Variants in COQ4 observed in about 807,000 individuals in gnomAD.
COQ4 encodes coenzyme Q4, also known as ubiquinone biosynthesis protein COQ4 homolog, mitochondrial.
In COQ4, 36 loss-of-function variants were observed where a neutral mutation model predicts 30.2. The ratio of observed to expected loss-of-function variants is 1.19; its 90% CI spans 0.91 to 1.57. The LOEUF (loss-of-function observed/expected upper bound fraction) is 1.57, where lower values mean the gene tolerates loss of function less well. Among genes scored for constraint, COQ4 ranks in the 40% most tolerant of loss-of-function variants. COQ4 has a pLI of 0.00. For synonymous variants in COQ4, 197 were observed against 161.0 expected, an observed-to-expected ratio of 1.22 and a Z score of -1.69; for missense variants, 369 against 371.9, an observed-to-expected ratio of 0.99 and a Z score of 0.07.
intron 4 of COQ4, among the ~76,000 whole-genome samples, chr9:128,326,710 T>A (rs1217769215): frequency 2.6e-5 from 4 of 152,214 alleles, no homozygotes; most frequent in Non-Finnish European, 5.9e-5. Flanking sequence ...CCCAAAGTGC[T>A]GGGATTACAG....
chr9:128,325,664 G>T (rs1832304553), intron 3 of COQ4, 115 bp from the exon 4 acceptor site: 2 of 788,450 alleles, frequency 2.5e-6, no homozygotes, highest in South Asian at 1.6e-5. Flanking sequence ...CTCCATTAAG[G>T]CTTGTGGTGG....
intron 6 of COQ4, 42 bp from the exon 7 acceptor site, chr9:128,333,432 C>A: frequency 6.8e-7 from 1 of 1,467,938 alleles, no homozygotes; most frequent in South Asian, 1.5e-5. Context: ...AGTGCCTGGC[C>A]CCAGGGACTT....
Position 128,333,575 on chromosome 9 carries a change from A to G in COQ4, c.728A>G (p.Gln243Arg). 6.2e-7 allele frequency: 1 copy of G among 1,609,896 alleles called. No individual in the cohort carries two copies. Among genetic ancestry groups the G allele is most frequent in the South Asian group, 1.1e-5 (1 of 90,254 alleles). ...LNLYYERRWE[Q>R]SLRALREELG... ...CTGTACTATGAGCGGCGCTGGGAGC[A>G]GTCCCTGAGGGCTCTGCGGGAGGAG... Residue 243 changes from glutamine to arginine, a missense_variant, in exon 7 of 7, where the codon CAG (glutamine) becomes CGG (arginine). By Grantham distance (43) the Gln-to-Arg change is conservative. Transcript: ENST00000300452.
rs1208290847 is a variant in COQ4 at position 128,332,411 on chromosome 9, TTAG to T, written c.532+133_532+135del. ...TCAATTTCTGCTTTACCTGAACATC[TTAG>T]TAGCATCTTTGCCACATGTCCCCCT... On this transcript the variant is annotated intron_variant, in intron 5 of 6. Transcript: ENST00000300452. 8.1e-6 allele frequency: 8 copies of T among 986,976 alleles called. No individual in the cohort carries two copies. The East Asian group carries it at 2.1e-4, about 26-fold the overall frequency. 61.1% of individuals were successfully genotyped at this position (986,976 alleles called of 1,614,324 possible).
At position 128,322,854 on chromosome 9, in the gene COQ4, C is replaced by G; in HGVS notation, c.-5C>G. On this transcript the variant is annotated 5_prime_UTR_variant, in exon 1 of 7. Transcript: ENST00000300452. ...CCCGCCCATCCTCCGCGGACGCCCG[C>G]TGCCATGGCGACTCTGCTGCGCCCT... 6.4e-7 allele frequency: 1 copy of G among 1,552,912 alleles called. No individual in the cohort carries two copies. The highest frequency in any genetic ancestry group is 8.7e-7 in the Non-Finnish European group (1 of 1,152,822).
intron 4 of COQ4, among the ~76,000 whole-genome samples, chr9:128,327,691 C>T (rs1832344656): frequency 6.6e-6 from 1 of 151,860 alleles, no homozygotes; most frequent in African/African-American, 2.4e-5. Flanking sequence ...TCCCAGCTAC[C>T]TGGGAGGGAG....
At chr9:128,331,089 A>T (rs1390280133) in intron 4 of COQ4, 3 of 152,050 alleles carry the variant, frequency 2.0e-5, no homozygotes, top group African/African-American at 7.2e-5. Context: ...CACCTGCCTC[A>T]GCCTCCCAAA....
In COQ4 at chr9:128,325,818, C is replaced by G. The variant is rs748977925; in HGVS notation, c.339C>G (p.Gly113=). The stretch of plus-strand genomic sequence containing the variant: ...TTTCGACATCCACCCTCGACCTGGG[C>G]AAGCTCCAGAGCCTGCCGGAAGGCT... ...PRISTSTLDL[G]KLQSLPEGSL... is the part of the protein sequence containing the mutation. The change falls in exon 4 of 7, where the codon GGC becomes GGG. Residue 113 remains glycine (G), a synonymous_variant. Coordinates refer to ENST00000300452, the MANE Select transcript of COQ4 (RefSeq NM_016035.5). 1.2e-5 allele frequency: 19 copies of G among 1,614,212 alleles called. No homozygotes were observed. The highest frequency in any genetic ancestry group is 1.6e-5 in the Non-Finnish European group (19 of 1,180,042).
chr9:128,322,917 G>T lies in COQ4; in HGVS notation c.59G>T (p.Arg20Leu). ...CTCTGCGGGCTCCCGGGCCTACAGCGGCCTGCGGCAGGCAAGTGGCGCCGG... is the reference window on the plus strand; with the variant it reads ...CTCTGCGGGCTCCCGGGCCTACAGCTGCCTGCGGCAGGCAAGTGGCGCCGG... ...RRLCGLPGLQ[R>L]PAAEMPLRAR... Residue 20 changes from arginine to leucine, a missense_variant, in exon 1 of 7, where the codon CGG becomes CTG. By Grantham distance (102) the Arg-to-Leu change is moderately radical (BLOSUM62 -2). Coordinates refer to ENST00000300452, the MANE Select transcript of COQ4 (RefSeq NM_016035.5). The T allele has an allele frequency of 6.3e-7, 1 of 1,599,630 alleles. No individual in the cohort carries two copies. Among genetic ancestry groups the T allele is most frequent in the Non-Finnish European group, 8.5e-7 (1 of 1,177,252 alleles).
In COQ4 at chr9:128,329,190, G is replaced by A. The variant is rs376772614; in HGVS notation, c.403-2963G>A. 7.9e-5 allele frequency among the ~76,000 whole-genome samples: 12 copies of A among 152,194 alleles called. No individual in the cohort carries two copies. In the East Asian group the frequency reaches 1.2e-3, roughly 15 times the overall value. On this transcript the variant is annotated intron_variant, in intron 4 of 6. Transcript: ENST00000300452. Reference sequence around the variant, plus strand: ...AATCCTTTGACCTCGCTGAGTCTCAGGTTCCTCATCAGAAGTAAGAGGACC... The same window carrying A: ...AATCCTTTGACCTCGCTGAGTCTCAAGTTCCTCATCAGAAGTAAGAGGACC...
chr9:128,333,611 C>T lies in COQ4; in HGVS notation c.764C>T (p.Thr255Ile). Residue 255 changes from threonine to isoleucine, a missense_variant, in exon 7 of 7, where the codon ACA (threonine) becomes ATA (isoleucine). Coordinates refer to ENST00000300452, the MANE Select transcript of COQ4 (RefSeq NM_016035.5). ...GCTCTGCGGGAGGAGCTGGGCATTA[C>T]AGCACCACCCATGCACGTCCAGGGC... ...LRALREELGI[T>I]APPMHVQGLA 2.5e-6 allele frequency: 4 copies of T among 1,597,572 alleles called. No individual in the cohort carries two copies. The highest frequency in any genetic ancestry group is 1.1e-5 in the South Asian group (1 of 88,508).
In COQ4 at chr9:128,333,535, C is replaced by A; in HGVS notation, c.688C>A (p.Pro230Thr). 1 of 1,607,000 alleles carries A rather than the reference C, an allele frequency of 6.2e-7. No homozygotes were observed. The highest frequency in any genetic ancestry group is 1.3e-5 in the African/African-American group (1 of 74,616). ...GGCCGTTCAGAACGGGCGCAGAGCC[C>A]CATGTGTCCTCAACCTGTACTATGA... The part of the protein sequence containing the change: ...PWAVQNGRRA[P>T]CVLNLYYERR... The change falls in exon 7 of 7, where the codon CCA becomes ACA. Residue 230 changes from proline to threonine, a missense_variant. Coordinates refer to ENST00000300452, the MANE Select transcript of COQ4 (RefSeq NM_016035.5).
intron 2 of COQ4, among the ~76,000 whole-genome samples, chr9:128,324,436 T>C (rs958851250): frequency 2.6e-5 from 4 of 152,152 alleles, no homozygotes; most frequent in African/African-American, 7.2e-5. Flanking sequence ...AAGTGTTATA[T>C]ATATATGATT....
chr9:128,330,262 A>G (rs1315634401), intron 4 of COQ4: 1 of 151,158 alleles, frequency 6.6e-6, no homozygotes, highest in Non-Finnish European at 1.5e-5. Context: ...AATCCTAGCT[A>G]CTCAGGAAGC....
At chr9:128,332,012 G>A in intron 4 of COQ4, 141 bp from the exon 5 acceptor site, 1 of 967,642 alleles carries the variant, frequency 1.0e-6, no homozygotes, top group Non-Finnish European at 1.5e-6. Context: ...TTACAGGCAT[G>A]AGCCTCGGCC....
chr9:128,326,285 C>T (rs962470490), intron 4 of COQ4: 4 of 292,414 alleles, frequency 1.4e-5, no homozygotes, highest in East Asian at 8.1e-5. Flanking sequence ...ATGCTCTTCA[C>T]TGCTGTACTG....
At position 128,333,536 on chromosome 9, in the gene COQ4, C is replaced by A. The variant is rs1016089045; in HGVS notation, c.689C>A (p.Pro230Gln). The change falls in exon 7 of 7, where the codon CCA becomes CAA. Residue 230 changes from proline (P) to glutamine (Q), a missense_variant. Pro to Gln is a moderately conservative substitution (Grantham distance 76, BLOSUM62 -1). Coordinates refer to ENST00000300452, the MANE Select transcript of COQ4 (RefSeq NM_016035.5). ...PWAVQNGRRAPCVLNLYYERR... is the reference protein window; with the variant it reads ...PWAVQNGRRAQCVLNLYYERR... ...GCCGTTCAGAACGGGCGCAGAGCCC[C>A]ATGTGTCCTCAACCTGTACTATGAG... is the stretch of plus-strand genomic sequence containing the variant. 6.2e-6 allele frequency: 10 copies of A among 1,607,600 alleles called. No individual in the cohort carries two copies. Among genetic ancestry groups the A allele is most frequent in the Non-Finnish European group, 8.5e-6 (10 of 1,177,396 alleles).
Position 128,324,268 on chromosome 9 carries a change from C to T in COQ4, c.203-875C>T, listed in dbSNP as rs370199623. On this transcript the variant is annotated intron_variant, in intron 2 of 6. Transcript: ENST00000300452. Reference sequence around the variant, plus strand: ...TGTTGGGATTACAGGCATGAGCCACCACGCCCGGCCAAGACCAGCGAATTT... The same window carrying T: ...TGTTGGGATTACAGGCATGAGCCACTACGCCCGGCCAAGACCAGCGAATTT... 5.9e-5 allele frequency among the ~76,000 whole-genome samples: 9 copies of T among 152,134 alleles called. No individual in the cohort carries two copies. In the East Asian group the frequency reaches 1.8e-3, roughly 30 times the overall value.
chr9:128,332,938 C>T lies in COQ4; in HGVS notation c.621C>T (p.Gly207=), dbSNP rs760213573. ...LGAFFGPIRL[G]AQSLQVLVSE... is the part of the protein sequence containing the mutation. The stretch of plus-strand genomic sequence containing the variant: ...CATTCTTTGGACCGATCCGACTTGG[C>T]GCTCAGTAAGTTTTCAAGTGGTAGC... Residue 207 remains glycine (G), a synonymous_variant, in exon 6 of 7, where the codon GGC becomes GGT. Transcript: ENST00000300452. 5.0e-6 allele frequency: 8 copies of T among 1,613,310 alleles called. No homozygotes were observed. The highest frequency in any genetic ancestry group is 5.9e-6 in the Non-Finnish European group (7 of 1,179,284).
Sources: gnomAD v4.1 joint callset for allele counts (sites outside exome capture counted in the v4.1 genomes callset) on GRCh38, gnomAD v4.1.1 for gene constraint, MANE v1.5 for transcripts, NCBI Gene and HGNC (gene_info 2026-07-23, HGNC 2026-07-21) for gene names.